The following PPEF2 variants were observed in gnomAD, a reference collection of about 807,000 sequenced individuals.
The protein encoded by PPEF2 is protein phosphatase with EF-hand domain 2, also known as serine/threonine-protein phosphatase with EF-hands 2.
PPEF2 carries 84 observed loss-of-function variants against 84.7 expected under a neutral mutation model. The ratio of observed to expected loss-of-function variants is 0.99; its 90% CI spans 0.83 to 1.19. The LOEUF is 1.19. Among genes scored for constraint, PPEF2 ranks in the 50% most tolerant of loss-of-function variants. The pLI is 0.00. For missense variants in PPEF2, 924 were observed against 937.5 expected (o/e 0.99, Z 0.19); for synonymous variants, 346 against 345.2 (o/e 1.00, Z -0.03).
Position 75,860,892 on chromosome 4 carries a change from C to T in PPEF2, c.2037G>A (p.Gln679=). 6.2e-7 allele frequency: 1 copy of T among 1,614,198 alleles called. No homozygotes were observed. Among genetic ancestry groups the T allele is most frequent in the Non-Finnish European group, 8.5e-7 (1 of 1,180,008 alleles). The change falls in exon 17 of 17, where the codon CAG becomes CAA. Residue 679 remains glutamine, a synonymous_variant. Transcript: ENST00000286719. ...TGTGAGAGCTGAACAGCTTCCAGGT[C>T]TGCCTGAACTCGTCCAGTGAGATGA... is the stretch of plus-strand genomic sequence containing the variant. ...SGFISLDEFR[Q]TWKLFSSHMN...
intron 2 of PPEF2, among the ~76,000 whole-genome samples, chr4:75,894,902 T>C (rs1724973346): frequency 6.6e-6 from 1 of 152,176 alleles, no homozygotes; most frequent in Admixed American, 6.5e-5. Context: ...AATTCCAAAA[T>C]TGGTCCAAAC....
intron 2 of PPEF2, among the ~76,000 whole-genome samples, chr4:75,895,781 C>T (rs932653375): frequency 4.0e-5 from 6 of 151,792 alleles, no homozygotes; most frequent in Non-Finnish European, 7.4e-5. Context: ...GATCTGTCGT[C>T]CAGGCTGGTT....
At chr4:75,872,289 C>A (rs950140862) in intron 12 of PPEF2, 122 bp from the exon 13 acceptor site, 9 of 935,662 alleles carry the variant, frequency 9.6e-6, no homozygotes, top group African/African-American at 8.4e-5. Flanking sequence ...TCTGGGAATC[C>A]TTTTCTTTCT....
At chr4:75,894,668 G>A (rs946070918) in intron 2 of PPEF2, among the ~76,000 whole-genome samples, 5 of 152,098 alleles carry the variant, frequency 3.3e-5, no homozygotes, top group Admixed American at 2.6e-4. Flanking sequence ...GTGAGTTCCT[G>A]GGTTCTGTGC....
chr4:75,883,532 A>G (rs4317229), intron 8 of PPEF2: 241,256 of 261,808 alleles, frequency 0.92, 113,964 homozygotes, highest in East Asian at 1. Context: ...TAAAAAAAAA[A>G]TCTGGGCTGG....
intron 13 of PPEF2, among the ~76,000 whole-genome samples, chr4:75,867,927 T>C (rs2047976): frequency 0.5 from 76,509 of 152,006 alleles, 21,117 homozygotes; most frequent in East Asian, 0.98. Flanking sequence ...TTTAGTTTTT[T>C]CATTCTTATT....
intron 4 of PPEF2, 38 bp downstream of exon 4, chr4:75,891,610 G>A: frequency 6.4e-7 from 1 of 1,569,302 alleles, no homozygotes; most frequent in Non-Finnish European, 8.6e-7. Flanking sequence ...CTATGGCCTT[G>A]CGACAGGAGG....
chr4:75,861,800 G>A (rs1286878052), intron 16 of PPEF2, among the ~76,000 whole-genome samples: 1 of 140,318 alleles, frequency 7.1e-6, no homozygotes. Flanking sequence ...TAGTAGAGAC[G>A]GGGTTTCACC....
intron 15 of PPEF2, among the ~76,000 whole-genome samples, chr4:75,864,918 C>T (rs1488279802): frequency 6.6e-6 from 1 of 152,152 alleles, no homozygotes; most frequent in Non-Finnish European, 1.5e-5. Context: ...ACACCTTATA[C>T]ATCTAGCCTG....
chr4:75,869,644 T>G (rs554359673), intron 13 of PPEF2, among the ~76,000 whole-genome samples: 1 of 152,258 alleles, frequency 6.6e-6, no homozygotes, highest in African/African-American at 2.4e-5. Flanking sequence ...CTCAGGAGTT[T>G]GAGACCAGCC....
intron 5 of PPEF2, among the ~76,000 whole-genome samples, chr4:75,888,598 G>A (rs2149225930): frequency 6.6e-6 from 1 of 152,228 alleles, no homozygotes; most frequent in South Asian, 2.1e-4. Context: ...CTTGCCTTTA[G>A]CATGGGAAGA....
At position 75,860,770 on chromosome 4, in the gene PPEF2, G is replaced by C. The variant is rs367646919; in HGVS notation, c.2159C>G (p.Ala720Gly). The C allele has an allele frequency of 7.4e-6, 12 of 1,614,128 alleles. No individual in the cohort carries two copies. The highest frequency in any genetic ancestry group is 8.5e-6 in the Non-Finnish European group (10 of 1,180,052). ...GCAGGATTTCTCCACAAGGCGGAAGGCCTCCAGGAACTCATTGATATCAAT... is the reference window on the plus strand; with the variant it reads ...GCAGGATTTCTCCACAAGGCGGAAGCCCTCCAGGAACTCATTGATATCAAT... The part of the protein sequence containing the change: ...GHIDINEFLE[A>G]FRLVEKSCPE... Residue 720 changes from alanine (A) to glycine (G), a missense_variant, in exon 17 of 17, where the codon GCC (alanine) becomes GGC (glycine). By Grantham distance (60) the Ala-to-Gly change is moderately conservative. Transcript: ENST00000286719.
chr4:75,883,235 A>G, intron 8 of PPEF2, 33 bp from the exon 9 acceptor site: 1 of 1,587,142 alleles, frequency 6.3e-7, no homozygotes, highest in Non-Finnish European at 8.6e-7. Flanking sequence ...ATATTAGAGT[A>G]AACTGGGTGA....
chr4:75,874,503 A>G (rs1019168246), intron 11 of PPEF2, among the ~76,000 whole-genome samples: 3 of 151,976 alleles, frequency 2.0e-5, no homozygotes, highest in African/African-American at 7.2e-5. Context: ...CACCATGTTA[A>G]CCAGAGTCTG....
Position 75,895,443 on chromosome 4 carries a change from A to AT in PPEF2, c.55+827dup, listed in dbSNP as rs112265710. 1.9e-3 allele frequency among the ~76,000 whole-genome samples: 257 copies of AT among 134,182 alleles called. 1 individual carries two copies. The highest frequency in any genetic ancestry group is 3.3e-3 in the Non-Finnish European group (210 of 63,084). The allele number at this position is 134,182 out of a possible 152,430, so 88.0% of individuals were successfully genotyped here. A position where few individuals can be genotyped will look rare whatever the true frequency, so the allele number is the denominator to read the frequency against. ...AACTCGGTCTCAAAAACAAAAAAAA[A>AT]TTTTTTAGGTTGGGCACGGTGGCTC... is the stretch of plus-strand genomic sequence containing the variant. On this transcript the variant is annotated intron_variant, in intron 2 of 16. Transcript: ENST00000286719.
At chr4:75,885,345 C>T (rs539838792) in intron 7 of PPEF2, among the ~76,000 whole-genome samples, 3 of 152,218 alleles carry the variant, frequency 2.0e-5, no homozygotes, top group Non-Finnish European at 2.9e-5. Flanking sequence ...GACAGGGCCT[C>T]ACTATGTTGC....
At position 75,890,026 on chromosome 4, in the gene PPEF2, C is replaced by T; in HGVS notation, c.348G>A (p.Gly116=). 1 of 1,614,050 alleles carries T rather than the reference C, an allele frequency of 6.2e-7. No individual in the cohort carries two copies. The highest frequency in any genetic ancestry group is 2.2e-5 in the East Asian group (1 of 44,878). ...ESIEVPDSYT[G]PRLSFPLLPD... is the part of the protein sequence containing the mutation. ...GCAGGAGTGGGAAGGAGAGGCGTGG[C>T]CCCGTGTAACTGTCGGGTACCTCTA... The change falls in exon 5 of 17, where the codon GGG becomes GGA. Residue 116 remains glycine (G), a synonymous_variant. Coordinates refer to ENST00000286719, the MANE Select transcript of PPEF2 (RefSeq NM_006239.3).
chr4:75,863,519 G>T (rs1724057254), intron 16 of PPEF2, among the ~76,000 whole-genome samples: 8 of 132,378 alleles, frequency 6.0e-5, no homozygotes, highest in Admixed American at 3.8e-4. Context: ...AAAAAAAAAA[G>T]TTATAAAATT....
Position 75,883,283 on chromosome 4 carries a change from A to G in PPEF2, c.747-81T>C, listed in dbSNP as rs775896101. On this transcript the variant is annotated intron_variant, in intron 8 of 16. Transcript: ENST00000286719. ...CATAATCACATTTTTAGAAGAATGC[A>G]TATTCTGGGTATATGTACTTAAATA... 3.4e-4 allele frequency: 438 copies of G among 1,302,300 alleles called. 3 individuals carry two copies. The highest frequency in any genetic ancestry group is 1.5e-3 in the Admixed American group (86 of 58,914). The allele number at this position is 1,302,300 out of a possible 1,614,324, so 80.7% of individuals were successfully genotyped here.
Sources: gnomAD v4.1 joint callset for allele counts (sites outside exome capture counted in the v4.1 genomes callset) on GRCh38, gnomAD v4.1.1 for gene constraint, MANE v1.5 for transcripts, NCBI Gene and HGNC (gene_info 2026-07-23, HGNC 2026-07-21) for gene names.